FKTN: variants seen among roughly 807,000 people sequenced by gnomAD.
The protein encoded by FKTN is ribitol-5-phosphate transferase FKTN.
FKTN carries 47 observed loss-of-function variants against 58.6 expected under a neutral mutation model. The ratio of observed to expected loss-of-function variants is 0.80; its 90% confidence interval spans 0.63 to 1.02. FKTN has a LOEUF of 1.02. FKTN is among the 50% of genes least tolerant of loss of function. The pLI is 0.00. For missense variants in FKTN, 516 were observed against 537.3 expected, an observed-to-expected ratio of 0.96 and a Z score of 0.39; for synonymous variants, 178 against 191.9, an observed-to-expected ratio of 0.93 and a Z score of 0.60.
chr9:105,615,364 C>G lies in FKTN; in HGVS notation c.867C>G (p.Asn289Lys). The part of the protein sequence containing the change: ...ELLQLAAKTL[N>K]KLGVPFWLSS... ...TGCAACTAGCAGCGAAAACATTAAA[C>G]AAATTGGGAGTACCATTCTGGCTGA... The change falls in exon 8 of 11, where the codon AAC (asparagine) becomes AAG (lysine). Residue 289 changes from asparagine to lysine, a missense_variant. By Grantham distance (94) the Asn-to-Lys change is moderately conservative. Coordinates refer to ENST00000357998, the MANE Select transcript of FKTN (RefSeq NM_001079802.2). 1 of 1,613,974 alleles carries G rather than the reference C, an allele frequency of 6.2e-7. No homozygotes were observed.
intron 9 of FKTN, among the ~76,000 whole-genome samples, chr9:105,619,281 A>G (rs1230869243): frequency 1.3e-5 from 2 of 152,162 alleles, no homozygotes; most frequent in Non-Finnish European, 2.9e-5. Context: ...CTTACCCTTG[A>G]GAAGCTCACT....
At position 105,637,321 on chromosome 9, in the gene FKTN, G is replaced by A. The variant is rs546090454; in HGVS notation, c.*2057G>A. 2.0e-6 allele frequency: 2 copies of A among 985,114 alleles called. No homozygotes were observed. Among genetic ancestry groups the A allele is most frequent in the East Asian group, 2.3e-4 (2 of 8,804 alleles). The allele number at this position is 985,114 out of a possible 1,614,324, so 61.0% of individuals were successfully genotyped here. A position where few individuals can be genotyped will look rare whatever the true frequency, so the allele number is the denominator to read the frequency against. Reference sequence around the variant, plus strand: ...TTTCCTGAAGTACAAAGTCTTAAGAGTGTCTGAAATCCAAGACATCTTGGC... The same window carrying A: ...TTTCCTGAAGTACAAAGTCTTAAGAATGTCTGAAATCCAAGACATCTTGGC... On this transcript the variant is annotated 3_prime_UTR_variant, in exon 11 of 11. Coordinates refer to ENST00000357998, the MANE Select transcript of FKTN (RefSeq NM_001079802.2).
chr9:105,627,195 C>A (rs188268623), intron 10 of FKTN, among the ~76,000 whole-genome samples: 1 of 152,202 alleles, frequency 6.6e-6, no homozygotes, highest in African/African-American at 2.4e-5. Context: ...TAGTCTCAAA[C>A]CCCTGACCTC....
chr9:105,583,079 T>C (rs1015257299), intron 3 of FKTN, among the ~76,000 whole-genome samples: 5 of 152,226 alleles, frequency 3.3e-5, no homozygotes, highest in African/African-American at 1.2e-4. Context: ...AGTAAGGTTT[T>C]ACTATTGTTA....
At chr9:105,559,068 T>G (rs1042406916) in intron 1 of FKTN, among the ~76,000 whole-genome samples, 1 of 152,226 alleles carries the variant, frequency 6.6e-6, no homozygotes, top group African/African-American at 2.4e-5. Flanking sequence ...ACTTGATTTC[T>G]TGGATCTGGG....
intron 1 of FKTN, among the ~76,000 whole-genome samples, chr9:105,570,064 T>G (rs973591099): frequency 5.9e-5 from 9 of 152,082 alleles, no homozygotes; most frequent in African/African-American, 2.2e-4. Flanking sequence ...AGGTTATTTT[T>G]TATATTTTTA....
At position 105,604,248 on chromosome 9, in the gene FKTN, T is replaced by TC. The variant is rs1172673238; in HGVS notation, c.403_404insC (p.Phe135SerfsTer7). On this transcript the variant is annotated frameshift_variant, in exon 6 of 11. Transcript: ENST00000357998. LOFTEE classifies it high-confidence loss of function. ...GTTTCGGATAGCTGAGAATATGGGA[T>TC]TTCAGTGCCTAAAGATTGAGAGTAA... is the stretch of plus-strand genomic sequence containing the variant. The TC allele has an allele frequency of 1.2e-6, 2 of 1,612,766 alleles. No homozygotes were observed. The highest frequency in any genetic ancestry group is 1.7e-6 in the Non-Finnish European group (2 of 1,179,994).
chr9:105,561,652 T>G (rs1838325392), intron 1 of FKTN, among the ~76,000 whole-genome samples: 1 of 152,190 alleles, frequency 6.6e-6, no homozygotes, highest in East Asian at 1.9e-4. Context: ...CTGGAGAAAC[T>G]AAATTTCATT....
At chr9:105,602,818 C>G (rs549142437) in intron 5 of FKTN, among the ~76,000 whole-genome samples, 1 of 152,184 alleles carries the variant, frequency 6.6e-6, no homozygotes, top group South Asian at 2.1e-4. Flanking sequence ...CCTCAGCCTC[C>G]CAAAAGTTTC....
At chr9:105,629,676 T>C (rs1833158876) in intron 10 of FKTN, among the ~76,000 whole-genome samples, 2 of 152,166 alleles carry the variant, frequency 1.3e-5, no homozygotes, top group South Asian at 2.1e-4. Context: ...TTGTTTTAAA[T>C]TGATAGTTTT....
chr9:105,585,993 A>G (rs1348503967), intron 3 of FKTN, among the ~76,000 whole-genome samples: 1 of 152,222 alleles, frequency 6.6e-6, no homozygotes, highest in Admixed American at 6.5e-5. Flanking sequence ...ATTTAGTAGC[A>G]GTAAATGCCT....
At chr9:105,565,445 T>A (rs1384053722) in intron 1 of FKTN, among the ~76,000 whole-genome samples, 1 of 151,966 alleles carries the variant, frequency 6.6e-6, no homozygotes, top group Non-Finnish European at 1.5e-5. Context: ...AATAAAGGGA[T>A]GGAGGAAGAT....
chr9:105,577,294 G>A (rs1841923543), intron 3 of FKTN, among the ~76,000 whole-genome samples: 1 of 136,426 alleles, frequency 7.3e-6, no homozygotes, highest in Non-Finnish European at 1.6e-5. Context: ...GGGTTTTTAT[G>A]GTTTTAGGTC....
intron 9 of FKTN, among the ~76,000 whole-genome samples, chr9:105,619,197 C>T (rs1207359116): frequency 1.3e-5 from 2 of 151,822 alleles, no homozygotes; most frequent in Admixed American, 1.3e-4. Context: ...ATTCAGCAAA[C>T]ATTTACCAAA....
intron 3 of FKTN, among the ~76,000 whole-genome samples, chr9:105,594,083 C>T (rs901590069): frequency 9.2e-5 from 14 of 152,012 alleles, no homozygotes; most frequent in Non-Finnish European, 1.8e-4. Context: ...GGGAATGATC[C>T]ATCAGAGAAA....
rs1833972091 is a variant in FKTN, at chr9:105,635,551, C to A, written c.*287C>A. 1 of 1,285,568 alleles carries A rather than the reference C, an allele frequency of 7.8e-7. No individual in the cohort carries two copies. 79.6% of individuals were successfully genotyped at this position (1,285,568 alleles called of 1,614,324 possible). On this transcript the variant is annotated 3_prime_UTR_variant, in exon 11 of 11. Transcript: ENST00000357998. ...ACAACTCAATTTTCCTTTGAGGGAA[C>A]CCTCCCCCACCCTTTGAAGAGTTCA...
intron 1 of FKTN, among the ~76,000 whole-genome samples, chr9:105,565,933 A>G (rs1449013252): frequency 2.0e-5 from 3 of 152,212 alleles, no homozygotes; most frequent in Admixed American, 6.5e-5. Context: ...AAAGAACAGA[A>G]ATTATAACAA....
intron 1 of FKTN, among the ~76,000 whole-genome samples, chr9:105,569,167 A>G (rs933057868): frequency 2.0e-5 from 3 of 152,178 alleles, no homozygotes; most frequent in Non-Finnish European, 4.4e-5. Context: ...GAGGCGTAGC[A>G]TTGGTAGATA....
Position 105,601,145 on chromosome 9 carries a change from C to T in FKTN, c.166C>T (p.Arg56Cys), listed in dbSNP as rs41277797. The change falls in exon 5 of 11, where the codon CGT becomes TGT. Residue 56 changes from arginine (R) to cysteine (C), a missense_variant and splice_region_variant. Coordinates refer to ENST00000357998, the MANE Select transcript of FKTN (RefSeq NM_001079802.2). ...CGAGAATTCTTTTTCTCTCAAACAG[C>T]GTGCAGTTAAAAAATTTATTATGTT... Reference protein sequence around the residue: ...SRIGFDSTQWRAVKKFIMLTS... With the variant: ...SRIGFDSTQWCAVKKFIMLTS... 34,067 of 1,558,772 alleles carry T rather than the reference C, an allele frequency of 0.022. 484 individuals are homozygous for T. Among genetic ancestry groups the T allele is most frequent in the Non-Finnish European group, 0.025 (28,207 of 1,131,392 alleles).
Sources: gnomAD v4.1 joint callset for allele counts (sites outside exome capture counted in the v4.1 genomes callset) on GRCh38, gnomAD v4.1.1 for gene constraint, MANE v1.5 for transcripts, NCBI Gene and HGNC (gene_info 2026-07-23, HGNC 2026-07-21) for gene names.